Variants in COL4A6 observed in about 807,000 individuals in gnomAD.
COL4A6 encodes collagen alpha-6(IV) chain.
Under a neutral mutation model 126.7 loss-of-function variants are expected in COL4A6, and 59 were observed. The ratio of observed to expected loss-of-function variants is 0.47; its 90% confidence interval spans 0.38 to 0.58. The LOEUF (loss-of-function observed/expected upper bound fraction) is 0.58. Ranked by LOEUF, COL4A6 falls within the 20% of genes least tolerant of loss-of-function variation. The probability of loss-of-function intolerance (pLI) is 0.00; values close to 1 mark genes in which losing one functional copy is unlikely to be tolerated. For missense variants in COL4A6, 1,285 were observed against 1,337.3 expected (o/e 0.96, Z 0.61); for synonymous variants, 547 against 496.6 (o/e 1.10, Z -1.35).
At chrX:108,200,221 A>C in intron 13 of COL4A6, among the ~76,000 whole-genome samples, 1 of 112,896 alleles carries the variant, frequency 8.9e-6, no homozygotes, top group East Asian at 2.8e-4. Context: ...CAAAGTAAAC[A>C]GAGATTAATT....
intron 3 of COL4A6, among the ~76,000 whole-genome samples, chrX:108,301,380 C>T (rs762803153): frequency 8.9e-6 from 1 of 111,945 alleles, no homozygotes; most frequent in Admixed American, 9.5e-5. Flanking sequence ...CTTTAAAACC[C>T]AGACAGGGAT....
chrX:108,223,219 C>A (rs749799737), intron 3 of COL4A6, among the ~76,000 whole-genome samples: 32 of 110,546 alleles, frequency 2.9e-4, no homozygotes, highest in African/African-American at 9.2e-4. Context: ...ATCACACATG[C>A]GGGCCTGTTG....
intron 3 of COL4A6, among the ~76,000 whole-genome samples, chrX:108,249,165 C>T (rs904959776): frequency 9.0e-6 from 1 of 110,937 alleles, no homozygotes; most frequent in Non-Finnish European, 1.9e-5. Flanking sequence ...AACCACCCCA[C>T]CCCTGGTCTG....
At chrX:108,363,240 C>T (rs746149344) in intron 2 of COL4A6, among the ~76,000 whole-genome samples, 26 of 111,957 alleles carry the variant, frequency 2.3e-4, no homozygotes, top group African/African-American at 8.4e-4. Flanking sequence ...AGCGATACTA[C>T]TTCCACATTT....
chrX:108,387,256 T>A (rs995431335), intron 2 of COL4A6, among the ~76,000 whole-genome samples: 1 of 112,175 alleles, frequency 8.9e-6, no homozygotes. Flanking sequence ...GTGAAGAAAG[T>A]CAATGGTAGC....
intron 13 of COL4A6, among the ~76,000 whole-genome samples, chrX:108,201,574 G>T (rs1366553184): frequency 8.9e-6 from 1 of 111,913 alleles, no homozygotes; most frequent in Non-Finnish European, 1.9e-5. Context: ...GAAATGATAT[G>T]ATTTGCTTCA....
intron 41 of COL4A6, 38 bp from the exon 42 acceptor site, chrX:108,161,773 A>G (rs770546543): frequency 2.1e-5 from 20 of 968,384 alleles, no homozygotes; most frequent in Non-Finnish European, 2.9e-5. Context: ...TACTCAATGT[A>G]GAGGGTCCCC....
intron 2 of COL4A6, among the ~76,000 whole-genome samples, chrX:108,427,051 G>C (rs1302668407): frequency 4.5e-5 from 5 of 111,804 alleles, no homozygotes; most frequent in African/African-American, 1.6e-4. Flanking sequence ...ACGTATAAAG[G>C]GTTTGTTAGA....
At chrX:108,250,675 CCTGAGAGCCCAGAATT>C (rs2036829600) in intron 3 of COL4A6, among the ~76,000 whole-genome samples, 1 of 111,149 alleles carries the variant, frequency 9.0e-6, no homozygotes, top group Non-Finnish European at 1.9e-5. Flanking sequence ...TGCTTCCTGC[CCTGAGAGCCCAGAATT>C]CTGAGAGCCC....
At chrX:108,350,840 A>T (rs2039822746) in intron 2 of COL4A6, among the ~76,000 whole-genome samples, 1 of 110,568 alleles carries the variant, frequency 9.0e-6, no homozygotes, top group South Asian at 3.9e-4. Context: ...CTTAGTACTG[A>T]CTCCGTTTCT....
intron 4 of COL4A6, 97 bp downstream of exon 4, chrX:108,221,143 A>G (rs751636263): frequency 1.8e-6 from 2 of 1,109,790 alleles, no homozygotes; most frequent in African/African-American, 3.6e-5. Flanking sequence ...ACTACTCAGG[A>G]ATGACATCAT....
chrX:108,179,001 A>G (rs1171802036), intron 26 of COL4A6, among the ~76,000 whole-genome samples, 156 bp from the exon 27 acceptor site: 6 of 112,160 alleles, frequency 5.3e-5, no homozygotes, highest in Non-Finnish European at 1.1e-4. Context: ...AAGAAATTTG[A>G]CTATTAGTTA....
Position 108,161,654 on chromosome X carries a change from C to T in COL4A6, c.4298G>A (p.Gly1433Asp). The change falls in exon 42 of 45, where the codon GGT (glycine) becomes GAT (aspartate). Residue 1433 changes from glycine to aspartate, a missense_variant. By Grantham distance (94) the Gly-to-Asp change is moderately conservative. Coordinates refer to ENST00000334504, the MANE Select transcript of COL4A6 (RefSeq NM_033641.4). ...PGPPGALGDP[G>D]LPGLQGPPGF... ...TGGAGGGCCTTGCAGTCCAGGCAGA[C>T]CAGGATCACCAAGAGCCCCAGGTGG... The T allele has an allele frequency of 8.5e-7, 1 of 1,182,994 alleles. No homozygotes were observed. The highest frequency in any genetic ancestry group is 1.1e-6 in the Non-Finnish European group (1 of 882,595).
rs1448965283 is a variant in COL4A6, at chrX:108,277,435, G to T, written c.144+33313C>A. On this transcript the variant is annotated intron_variant, in intron 3 of 44. Transcript: ENST00000334504. ...ACCGCAAGGTGGCAGCGAGGCTGGG[G>T]GATGGGTGCCCACCATTGCCCAGGC... Among the ~76,000 whole-genome samples the T allele has an allele frequency of 4.4e-5, 5 of 112,569 alleles. No individual in the cohort carries two copies. The Admixed American group carries it at 4.7e-4, about 10-fold the overall frequency.
At chrX:108,348,668 A>C (rs1398514460) in intron 2 of COL4A6, among the ~76,000 whole-genome samples, 1 of 111,871 alleles carries the variant, frequency 8.9e-6, no homozygotes, top group Admixed American at 9.5e-5. Context: ...AGCATTTCTA[A>C]AGATAGAGCA....
chrX:108,165,150 C>T (rs971170375), intron 38 of COL4A6, 112 bp from the exon 39 acceptor site: 27 of 887,984 alleles, frequency 3.0e-5, no homozygotes, highest in Middle Eastern at 4.3e-4. Context: ...AGAGAATGTT[C>T]CCTCACCATC....
intron 3 of COL4A6, among the ~76,000 whole-genome samples, chrX:108,235,847 A>G (rs766355906): frequency 2.7e-5 from 3 of 110,635 alleles, no homozygotes; most frequent in Admixed American, 1.9e-4. Flanking sequence ...GAAATCGAGG[A>G]GGGGGGAAGT....
At chrX:108,309,801 A>AACACACACACAC (rs4036315) in intron 3 of COL4A6, among the ~76,000 whole-genome samples, 5 of 80,885 alleles carry the variant, frequency 6.2e-5, no homozygotes, top group African/African-American at 1.4e-4. Flanking sequence ...TAATCCTGGA[A>AACACACACACAC]ACACACACAC....
At chrX:108,399,118 G>A (rs1342626268) in intron 2 of COL4A6, among the ~76,000 whole-genome samples, 1 of 111,444 alleles carries the variant, frequency 9.0e-6, no homozygotes, top group Non-Finnish European at 1.9e-5. Context: ...TAGGTAGTAT[G>A]AAATAAAGCT....
Sources: gnomAD v4.1 joint callset for allele counts (sites outside exome capture counted in the v4.1 genomes callset) on GRCh38, gnomAD v4.1.1 for gene constraint, MANE v1.5 for transcripts, NCBI Gene and HGNC (gene_info 2026-07-23, HGNC 2026-07-21) for gene names.